TMEM132E: variants seen among roughly 807,000 people sequenced by gnomAD.
TMEM132E encodes the protein transmembrane protein 132E.
In TMEM132E, 49 loss-of-function variants were observed where a neutral mutation model predicts 78.5. That is an observed-to-expected ratio of 0.62 (90% CI 0.50 to 0.79). TMEM132E has a LOEUF of 0.79. TMEM132E is among the 30% of genes least tolerant of loss of function. The pLI is 0.00. For synonymous variants in TMEM132E, 715 were observed against 670.6 expected (o/e 1.07, Z -1.02); for missense variants, 1,403 against 1,470.9 (o/e 0.95, Z 0.75).
Position 34,606,842 on chromosome 17 carries a change from A to AAAC in TMEM132E, c.68-19283_68-19281dup, listed in dbSNP as rs572646172. The stretch of plus-strand genomic sequence containing the variant: ...CCTGGCTGCACTTCCTCTGCCCGTA[A>AAAC]AACAGTACAAGGGCCCTCCTCTCCC... On this transcript the variant is annotated intron_variant, in intron 1 of 8. Coordinates refer to ENST00000631683, the MANE Select transcript of TMEM132E (RefSeq NM_001304438.2). 2.3e-3 allele frequency among the ~76,000 whole-genome samples: 356 copies of AAAC among 152,280 alleles called. 5 individuals carry two copies. The highest frequency in any genetic ancestry group is 7.9e-3 in the African/African-American group (328 of 41,556).
In TMEM132E at chr17:34,637,732, T is replaced by G; in HGVS notation, c.2725T>G (p.Cys909Gly). 1 of 1,613,548 alleles carries G rather than the reference T, an allele frequency of 6.2e-7. No homozygotes were observed. Among genetic ancestry groups the G allele is most frequent in the Non-Finnish European group, 8.5e-7 (1 of 1,179,964 alleles). Reference protein sequence around the residue: ...CLAILVFLINCIVFVLRYRHK... With the variant: ...CLAILVFLINGIVFVLRYRHK... The stretch of plus-strand genomic sequence containing the variant: ...CGCCATCCTCGTCTTCCTCATCAAC[T>G]GCATCGTTTTTGTGCTGCGCTACCG... Residue 909 changes from cysteine (C) to glycine (G), a missense_variant, in exon 9 of 9, where the codon TGC becomes GGC. By Grantham distance (159) the Cys-to-Gly change is radical (BLOSUM62 -3). Around this residue, in one of 3 missense-constraint regions of TMEM132E, gnomAD observed 888 missense variants for 952.8 expected, o/e 0.93. Transcript: ENST00000631683.
chr17:34,597,283 G>A (rs527435903), intron 1 of TMEM132E, among the ~76,000 whole-genome samples: 43 of 152,220 alleles, frequency 2.8e-4, no homozygotes, highest in Non-Finnish European at 4.9e-4. Context: ...CCCAACAGAC[G>A]GGATTCCCTT....
intron 8 of TMEM132E, among the ~76,000 whole-genome samples, chr17:34,636,734 CAGA>C (rs1319619275): frequency 6.6e-6 from 1 of 152,212 alleles, no homozygotes; most frequent in Non-Finnish European, 1.5e-5. Context: ...GGGCAATCCT[CAGA>C]AGGTTTTAGC....
chr17:34,637,336 G>A lies in TMEM132E; in HGVS notation c.2329G>A (p.Glu777Lys). 3 of 1,614,054 alleles carry A rather than the reference G, an allele frequency of 1.9e-6. No individual in the cohort carries two copies. Among genetic ancestry groups the A allele is most frequent in the Non-Finnish European group, 2.5e-6 (3 of 1,180,048 alleles). The change falls in exon 9 of 9, where the codon GAG becomes AAG. Residue 777 changes from glutamate (E) to lysine (K), a missense_variant. Glu to Lys is a moderately conservative substitution (Grantham distance 56). Transcript: ENST00000631683. ...CTTCCCTCTGGTAGTGGCTGAGGCCGAGGGGTCAGGGGAGCTGCTTCGCGC... is the reference window on the plus strand; with the variant it reads ...CTTCCCTCTGGTAGTGGCTGAGGCCAAGGGGTCAGGGGAGCTGCTTCGCGC... ...RAFPLVVAEA[E>K]GSGELLRAEL...
intron 6 of TMEM132E, among the ~76,000 whole-genome samples, chr17:34,633,155 T>G (rs1950574014): frequency 6.6e-6 from 1 of 152,218 alleles, no homozygotes; most frequent in Admixed American, 6.5e-5. Context: ...GAGGAAGGCA[T>G]GTGCATGCCA....
rs756049921 is a variant in TMEM132E, at chr17:34,630,056, A to C, written c.1387A>C (p.Ile463Leu). 1 of 1,613,304 alleles carries C rather than the reference A, an allele frequency of 6.2e-7. No individual in the cohort carries two copies. The highest frequency in any genetic ancestry group is 1.1e-5 in the South Asian group (1 of 91,050). Residue 463 changes from isoleucine to leucine, a missense_variant, in exon 5 of 9, where the codon ATC becomes CTC. Physicochemically the swap from Ile to Leu is conservative, Grantham distance 5. Transcript: ENST00000631683. The part of the protein sequence containing the change: ...TAILTGRTVA[I>L]PVKVIAIEVN... ...CATTCTGACTGGCCGGACAGTGGCCATCCCTGTCAAGGTCATTGCCATCGA... is the reference window on the plus strand; with the variant it reads ...CATTCTGACTGGCCGGACAGTGGCCCTCCCTGTCAAGGTCATTGCCATCGA...
Position 34,626,660 on chromosome 17 carries a change from G to C in TMEM132E, c.601G>C (p.Gly201Arg). 7.1e-7 allele frequency: 1 copy of C among 1,417,508 alleles called. No homozygotes were observed. Among genetic ancestry groups the C allele is most frequent in the Non-Finnish European group, 9.2e-7 (1 of 1,086,066 alleles). The allele number at this position is 1,417,508 out of a possible 1,614,324, so 87.8% of individuals were successfully genotyped here. ...VRAELPLAWF[G>R]PPAPAAPPTA... is the part of the protein sequence containing the mutation. ...GGCAGAGCTGCCCCTGGCCTGGTTCGGGCCCCCAGCCCCCGCTGCGCCACC... is the reference window on the plus strand; with the variant it reads ...GGCAGAGCTGCCCCTGGCCTGGTTCCGGCCCCCAGCCCCCGCTGCGCCACC... The change falls in exon 2 of 9, where the codon GGG (glycine) becomes CGG (arginine). Residue 201 changes from glycine (G) to arginine (R), a missense_variant. By Grantham distance (125) the Gly-to-Arg change is moderately radical (BLOSUM62 -2). This residue lies in a region of TMEM132E where 511 missense variants were observed against 499.0 expected (regional missense o/e 1.02). Transcript: ENST00000631683.
intron 6 of TMEM132E, 100 bp from the exon 7 acceptor site, chr17:34,634,698 TG>T: frequency 7.1e-7 from 1 of 1,403,098 alleles, no homozygotes; most frequent in East Asian, 2.5e-5. Flanking sequence ...GCAGAGCTTC[TG>T]GGAAGCTGGG....
At position 34,629,122 on chromosome 17, in the gene TMEM132E, G is replaced by A; in HGVS notation, c.1256G>A (p.Gly419Asp). The change falls in exon 4 of 9, where the codon GGC becomes GAC. Residue 419 changes from glycine (G) to aspartate (D), a missense_variant. By Grantham distance (94) the Gly-to-Asp change is moderately conservative. Transcript: ENST00000631683. ...TGGCACATTGACTACCGTGGCCACG[G>A]CGCCCTGCCTGACCTGGAGCGGGCA... is the stretch of plus-strand genomic sequence containing the variant. ...IMWHIDYRGH[G>D]ALPDLERAVT... The A allele has an allele frequency of 6.2e-7, 1 of 1,613,722 alleles. No homozygotes were observed. The highest frequency in any genetic ancestry group is 1.1e-5 in the South Asian group (1 of 91,024).
intron 1 of TMEM132E, among the ~76,000 whole-genome samples, chr17:34,608,931 G>A (rs144683230): frequency 5.9e-5 from 9 of 152,248 alleles, no homozygotes; most frequent in East Asian, 1.9e-4. Context: ...TCTAGCACTC[G>A]CAGCAGACAG....
At position 34,580,927 on chromosome 17, in the gene TMEM132E, T is replaced by G; in HGVS notation, c.-150T>G. 1 of 509,044 alleles carries G rather than the reference T, an allele frequency of 2.0e-6. No homozygotes were observed. Among genetic ancestry groups the G allele is most frequent in the Non-Finnish European group, 3.4e-6 (1 of 297,196 alleles). 31.5% of individuals were successfully genotyped at this position (509,044 alleles called of 1,614,324 possible). ...CCTGGGACGCCCCCTCCCCGCAAAGTGTCCCCGAATTGCACTCTCTGGTCC... is the reference window on the plus strand; with the variant it reads ...CCTGGGACGCCCCCTCCCCGCAAAGGGTCCCCGAATTGCACTCTCTGGTCC... On this transcript the variant is annotated 5_prime_UTR_variant, in exon 1 of 9. Coordinates refer to ENST00000631683, the MANE Select transcript of TMEM132E (RefSeq NM_001304438.2).
intron 5 of TMEM132E, among the ~76,000 whole-genome samples, chr17:34,632,085 C>T (rs773110325): frequency 3.3e-5 from 5 of 152,196 alleles, no homozygotes; most frequent in South Asian, 2.1e-4. Flanking sequence ...GCCATTCACC[C>T]GTCTGTGCTT....
intron 1 of TMEM132E, among the ~76,000 whole-genome samples, chr17:34,620,840 AC>A (rs1162452125): frequency 1.3e-5 from 2 of 151,748 alleles, no homozygotes; most frequent in East Asian, 3.9e-4. Flanking sequence ...GATGAGGGGG[AC>A]CCCCACATCC....
chr17:34,604,194 G>A (rs912999071), intron 1 of TMEM132E, among the ~76,000 whole-genome samples: 4 of 152,142 alleles, frequency 2.6e-5, no homozygotes, highest in African/African-American at 9.7e-5. Context: ...GATAACAGTG[G>A]GGCTGGGACC....
intron 2 of TMEM132E, 56 bp downstream of exon 2, chr17:34,627,113 TGACTCCTTGTG>T: frequency 9.6e-7 from 1 of 1,042,812 alleles, no homozygotes. Context: ...AATGCATACC[TGACTCCTTGTG>T]GGTGGGTTGG....
intron 1 of TMEM132E, among the ~76,000 whole-genome samples, chr17:34,617,791 C>T (rs886292460): frequency 3.9e-5 from 6 of 152,276 alleles, no homozygotes; most frequent in East Asian, 1.9e-4. Flanking sequence ...ATTCTTGGAA[C>T]AACTTCAAAC....
chr17:34,628,656 C>T lies in TMEM132E; in HGVS notation c.1092C>T (p.His364=). The change falls in exon 3 of 9, where the codon CAC becomes CAT. Residue 364 remains histidine, a synonymous_variant. Transcript: ENST00000631683. ...CGGAGCTGCTGACTGGGGCAAAGCA[C>T]TCAACAGCCACCGTGGATGTGGCCT... ...VTSELLTGAK[H]STATVDVAWA... 6.2e-7 allele frequency: 1 copy of T among 1,613,414 alleles called. No individual in the cohort carries two copies. Among genetic ancestry groups the T allele is most frequent in the African/African-American group, 1.3e-5 (1 of 75,030 alleles).
At position 34,626,790 on chromosome 17, in the gene TMEM132E, G is replaced by C. The variant is rs1907152139; in HGVS notation, c.731G>C (p.Gly244Ala). 1 of 1,504,522 alleles carries C rather than the reference G, an allele frequency of 6.6e-7. No homozygotes were observed. The highest frequency in any genetic ancestry group is 8.9e-7 in the Non-Finnish European group (1 of 1,126,574). The allele number at this position is 1,504,522 out of a possible 1,614,324, so 93.2% of individuals were successfully genotyped here. A position where few individuals can be genotyped will look rare whatever the true frequency, so the allele number is the denominator to read the frequency against. Reference protein sequence around the residue: ...YTLHAPDASGGCGGSRRGAGP... With the variant: ...YTLHAPDASGACGGSRRGAGP... ...CTCCACGCCCCTGATGCGTCGGGGG[G>C]CTGCGGGGGCTCCCGCCGGGGGGCC... The change falls in exon 2 of 9, where the codon GGC (glycine) becomes GCC (alanine). Residue 244 changes from glycine to alanine, a missense_variant. By Grantham distance (60) the Gly-to-Ala change is moderately conservative (BLOSUM62 0). Transcript: ENST00000631683.
At chr17:34,632,313 G>T (rs981899563) in intron 5 of TMEM132E, among the ~76,000 whole-genome samples, 5 of 152,138 alleles carry the variant, frequency 3.3e-5, no homozygotes, top group African/African-American at 1.2e-4. Flanking sequence ...GCATCATAGA[G>T]GACTCTACCT....
Sources: gnomAD v4.1 joint callset for allele counts (sites outside exome capture counted in the v4.1 genomes callset) on GRCh38, gnomAD v4.1.1 for gene constraint, gnomAD v4.1.1 regional missense constraint, MANE v1.5 for transcripts, NCBI Gene and HGNC (gene_info 2026-07-23, HGNC 2026-07-21) for gene names.